SEMA5A: variants seen among roughly 807,000 people sequenced by gnomAD.
The protein encoded by SEMA5A is semaphorin 5A.
SEMA5A carries 55 observed loss-of-function variants against 135.5 expected under a neutral mutation model. That is an observed-to-expected ratio of 0.41 (90% CI 0.33 to 0.51). SEMA5A has a LOEUF of 0.51. Ranked by LOEUF, SEMA5A falls within the 20% of genes least tolerant of loss-of-function variation. The probability of loss-of-function intolerance (pLI) is 0.37; values close to 1 mark genes in which losing one functional copy is unlikely to be tolerated. For missense variants in SEMA5A, 1,290 were observed against 1,419.9 expected (o/e 0.91, Z 1.47); for synonymous variants, 580 against 546.5 (o/e 1.06, Z -0.85).
At chr5:9,058,788 G>C (rs1393668859) in intron 18 of SEMA5A, among the ~76,000 whole-genome samples, 27 of 152,186 alleles carry the variant, frequency 1.8e-4, no homozygotes. Flanking sequence ...ATGTGGTATT[G>C]ATTCTCCAGC....
chr5:9,524,275 A>C (rs763973894), intron 1 of SEMA5A, among the ~76,000 whole-genome samples: 1 of 152,192 alleles, frequency 6.6e-6, no homozygotes, highest in Non-Finnish European at 1.5e-5. Flanking sequence ...TCTTTTCTTC[A>C]TGAATTACCC....
At chr5:9,357,880 C>T (rs757068407) in intron 3 of SEMA5A, among the ~76,000 whole-genome samples, 1 of 152,180 alleles carries the variant, frequency 6.6e-6, no homozygotes, top group African/African-American at 2.4e-5. Context: ...TAACTATGGA[C>T]AAAATTCTCT....
At chr5:9,353,319 G>GAAAGGAAAGGGAAGGA (rs1561177769) in intron 3 of SEMA5A, among the ~76,000 whole-genome samples, 3 of 40,974 alleles carry the variant, frequency 7.3e-5, no homozygotes, top group Non-Finnish European at 1.1e-4. Context: ...GAAGGGAAAG[G>GAAAGGAAAGGGAAGGA]AAGGAAAGGA....
At chr5:9,375,164 C>G (rs1465411793) in intron 3 of SEMA5A, among the ~76,000 whole-genome samples, 2 of 152,168 alleles carry the variant, frequency 1.3e-5, no homozygotes, top group Non-Finnish European at 2.9e-5. Context: ...CTTCCCCCAA[C>G]CCTGCACTGA....
chr5:9,395,395 T>C (rs894308493), intron 2 of SEMA5A, among the ~76,000 whole-genome samples: 2 of 152,200 alleles, frequency 1.3e-5, no homozygotes, highest in Admixed American at 6.5e-5. Flanking sequence ...AAAAGTTATG[T>C]TCAGAATGTG....
At chr5:9,189,075 G>A (rs75545607) in intron 11 of SEMA5A, among the ~76,000 whole-genome samples, 3,216 of 152,308 alleles carry the variant, frequency 0.021, 125 homozygotes, top group African/African-American at 0.074. Flanking sequence ...CCCACATCTG[G>A]CTCATTGGTT....
chr5:9,136,717 G>T, intron 12 of SEMA5A, 96 bp from the exon 13 acceptor site: 10 of 996,056 alleles, frequency 1.0e-5, no homozygotes, highest in Non-Finnish European at 1.6e-5. Context: ...GAGAGGTATG[G>T]GATTTCTTAC....
intron 3 of SEMA5A, among the ~76,000 whole-genome samples, chr5:9,359,189 C>A (rs1220270655): frequency 2.6e-5 from 4 of 152,152 alleles, no homozygotes; most frequent in African/African-American, 9.7e-5. Context: ...GAGAACCTGG[C>A]CTTTGCAGTG....
In SEMA5A at chr5:9,204,859, T is replaced by C. The variant is rs1367432935; in HGVS notation, c.647-2619A>G. Among the ~76,000 whole-genome samples, 1 of 152,148 alleles carries C rather than the reference T, an allele frequency of 6.6e-6. No homozygotes were observed. The highest frequency in any genetic ancestry group is 6.5e-5 in the Admixed American group (1 of 15,276). On this transcript the variant is annotated intron_variant, in intron 8 of 22. Transcript: ENST00000382496. The surrounding 1 kb of genome is among the most constrained non-coding windows in gnomAD (Gnocchi z 6.4). ...CCGTCAGATCAGTGGCAGCATTAAA[T>C]TCTCATAGGAGCAGGAACCCTACTG...
chr5:9,173,825 C>T (rs576616525), intron 11 of SEMA5A, among the ~76,000 whole-genome samples: 2 of 152,276 alleles, frequency 1.3e-5, no homozygotes, highest in African/African-American at 4.8e-5. Context: ...ATGAGTAAGA[C>T]AGGATCGTGT....
At chr5:9,341,252 G>A (rs1049404126) in intron 3 of SEMA5A, among the ~76,000 whole-genome samples, 2 of 151,262 alleles carry the variant, frequency 1.3e-5, no homozygotes, top group South Asian at 4.2e-4. Flanking sequence ...AGGGAATAGG[G>A]CTTAGCCCAG....
intron 3 of SEMA5A, among the ~76,000 whole-genome samples, chr5:9,353,141 GGAAA>G: frequency 1.3e-4 from 10 of 78,316 alleles, no homozygotes; most frequent in African/African-American, 5.6e-4. Flanking sequence ...GGAAAGGAAA[GGAAA>G]GGAAAGGAAA....
intron 1 of SEMA5A, among the ~76,000 whole-genome samples, chr5:9,480,130 G>A (rs114841523): frequency 1.4e-4 from 21 of 152,156 alleles, no homozygotes; most frequent in African/African-American, 4.8e-4. Context: ...CATTCGACAC[G>A]AATAGCACAC....
chr5:9,185,027 A>C (rs1744731288), intron 11 of SEMA5A, among the ~76,000 whole-genome samples: 1 of 152,180 alleles, frequency 6.6e-6, no homozygotes, highest in Non-Finnish European at 1.5e-5. Flanking sequence ...TCCTAGGCTC[A>C]AGCAATCCTC....
At chr5:9,248,521 A>T (rs1428727418) in intron 5 of SEMA5A, among the ~76,000 whole-genome samples, 1 of 151,022 alleles carries the variant, frequency 6.6e-6, no homozygotes, top group Non-Finnish European at 1.5e-5. Context: ...GATATCCATC[A>T]TCATCTCTGC....
chr5:9,376,278 T>G (rs1429494359), intron 3 of SEMA5A, among the ~76,000 whole-genome samples: 1 of 152,122 alleles, frequency 6.6e-6, no homozygotes. Flanking sequence ...TATCGTAAAA[T>G]AAGATGTCCT....
At chr5:9,292,787 A>G (rs1383382274) in intron 5 of SEMA5A, among the ~76,000 whole-genome samples, 2 of 152,172 alleles carry the variant, frequency 1.3e-5, no homozygotes, top group African/African-American at 4.8e-5. Context: ...ACCAGGTGCG[A>G]TTTTGCACCC....
At chr5:9,154,227 C>T (rs1742827546) in intron 12 of SEMA5A, among the ~76,000 whole-genome samples, 1 of 151,040 alleles carries the variant, frequency 6.6e-6, no homozygotes, top group Admixed American at 6.6e-5. Flanking sequence ...TGTTCTAAGG[C>T]ACTGAATAAT....
chr5:9,327,562 GGATA>G (rs1390559967), intron 4 of SEMA5A, among the ~76,000 whole-genome samples: 1 of 152,028 alleles, frequency 6.6e-6, no homozygotes, highest in African/African-American at 2.4e-5. Flanking sequence ...AAAAATAGAT[GGATA>G]GTCTCTTATT....
Sources: gnomAD v4.1 joint callset for allele counts (sites outside exome capture counted in the v4.1 genomes callset) on GRCh38, gnomAD v4.1.1 for gene constraint, Gnocchi (gnomAD v3.1) non-coding constraint, MANE v1.5 for transcripts, NCBI Gene and HGNC (gene_info 2026-07-23, HGNC 2026-07-21) for gene names.